CDH7: variants seen among roughly 807,000 people sequenced by gnomAD.
CDH7 encodes cadherin-7.
Under a neutral mutation model 71.8 loss-of-function variants are expected in CDH7, and 25 were observed. The ratio of observed to expected loss-of-function variants is 0.35; its 90% CI spans 0.25 to 0.49. The LOEUF (loss-of-function observed/expected upper bound fraction) is 0.49. Ranked by LOEUF, CDH7 falls within the 20% of genes least tolerant of loss-of-function variation. The pLI, the probability that CDH7 is intolerant of heterozygous loss-of-function variation, is 0.99. For synonymous variants in CDH7, 381 were observed against 363.8 expected (o/e 1.05, Z -0.54); for missense variants, 862 against 974.6 (o/e 0.88, Z 1.54).
intron 5 of CDH7, 143 bp downstream of exon 5, chr18:65,822,391 G>T: frequency 1.6e-6 from 1 of 634,516 alleles, no homozygotes; most frequent in Non-Finnish European, 2.6e-6. Flanking sequence ...TTTTATTAGA[G>T]ACATAATTTT....
At chr18:65,774,660 A>T (rs979337059) in intron 2 of CDH7, among the ~76,000 whole-genome samples, 1 of 151,992 alleles carries the variant, frequency 6.6e-6, no homozygotes, top group Non-Finnish European at 1.5e-5. Flanking sequence ...CTACTCTCAT[A>T]TCTCAGATAA....
intron 2 of CDH7, among the ~76,000 whole-genome samples, chr18:65,804,925 G>T (rs778106128): frequency 1.3e-5 from 2 of 151,994 alleles, no homozygotes; most frequent in Non-Finnish European, 2.9e-5. Context: ...TGGTTCAGAG[G>T]ATTATGGAGA....
intron 6 of CDH7, among the ~76,000 whole-genome samples, chr18:65,830,325 G>A (rs1184827038): frequency 6.6e-6 from 1 of 152,120 alleles, no homozygotes; most frequent in Non-Finnish European, 1.5e-5. Flanking sequence ...GGCATTTTAG[G>A]TGCAGCTCAA....
In CDH7 at chr18:65,776,057, C is replaced by T. The variant is rs79640453; in HGVS notation, c.210+13005C>T. On this transcript the variant is annotated intron_variant, in intron 2 of 11. Transcript: ENST00000397968. ...ATAAATTATTAGAGTAAGAACAGAA[C>T]TGGCAACACATACATCCCTTTTGGT... is the stretch of plus-strand genomic sequence containing the variant. Among the ~76,000 whole-genome samples the T allele has an allele frequency of 7.0e-4, 106 of 152,254 alleles. 1 individual carries two copies. In the East Asian group the frequency reaches 0.019, roughly 28 times the overall value.
At chr18:65,755,832 G>A (rs2143771495) in intron 1 of CDH7, among the ~76,000 whole-genome samples, 1 of 152,254 alleles carries the variant, frequency 6.6e-6, no homozygotes, top group African/African-American at 2.4e-5. Context: ...CAGCTGTACT[G>A]GGGACACAAG....
chr18:65,794,517 C>A (rs9961566), intron 2 of CDH7, among the ~76,000 whole-genome samples: 5 of 150,852 alleles, frequency 3.3e-5, no homozygotes, highest in Non-Finnish European at 5.9e-5. Flanking sequence ...GAAAGGAGGT[C>A]ATTGAGCTGT....
At chr18:65,873,796 A>G (rs999443374) in intron 11 of CDH7, among the ~76,000 whole-genome samples, 9 of 152,192 alleles carry the variant, frequency 5.9e-5, no homozygotes, top group African/African-American at 2.2e-4. Flanking sequence ...TCACATTTCA[A>G]ATGTCATCTC....
chr18:65,767,645 T>A (rs1771166717), intron 2 of CDH7, among the ~76,000 whole-genome samples: 1 of 152,186 alleles, frequency 6.6e-6, no homozygotes, highest in African/African-American at 2.4e-5. Flanking sequence ...ATAATAACTT[T>A]ACAACTAGAG....
At chr18:65,853,247 C>G (rs1016188027) in intron 7 of CDH7, among the ~76,000 whole-genome samples, 1 of 152,172 alleles carries the variant, frequency 6.6e-6, no homozygotes, top group Admixed American at 6.5e-5. Flanking sequence ...TGGTTCATGA[C>G]TAGGAAATCA....
intron 1 of CDH7, among the ~76,000 whole-genome samples, chr18:65,753,496 C>G (rs1915944533): frequency 6.6e-6 from 1 of 152,180 alleles, no homozygotes; most frequent in Non-Finnish European, 1.5e-5. Flanking sequence ...TGGAAGTCTT[C>G]AAAGCCTTAG....
chr18:65,776,395 C>G (rs1909943199), intron 2 of CDH7, among the ~76,000 whole-genome samples: 1 of 150,088 alleles, frequency 6.7e-6, no homozygotes, highest in African/African-American at 2.5e-5. Context: ...CACACACACA[C>G]ACACACAGAG....
At chr18:65,752,146 A>T (rs1915900033) in intron 1 of CDH7, among the ~76,000 whole-genome samples, 1 of 152,220 alleles carries the variant, frequency 6.6e-6, no homozygotes, top group Non-Finnish European at 1.5e-5. Flanking sequence ...TTTACGTAAG[A>T]CTTGTCCTCA....
At chr18:65,840,321 C>T (rs1366550372) in intron 6 of CDH7, among the ~76,000 whole-genome samples, 2 of 152,166 alleles carry the variant, frequency 1.3e-5, no homozygotes, top group East Asian at 3.8e-4. Flanking sequence ...GTCTGTATGT[C>T]CCCTATTTGA....
intron 1 of CDH7, among the ~76,000 whole-genome samples, chr18:65,758,449 T>G (rs1044712963): frequency 4.6e-5 from 7 of 152,206 alleles, no homozygotes; most frequent in African/African-American, 1.7e-4. Flanking sequence ...GAGAGTTGGT[T>G]ACTGCCAAAA....
rs534572047 is a variant in CDH7 at position 65,837,010 on chromosome 18, C to T, written c.982-6802C>T. ...CAAGACCTCCAGAGCTCTTCTCCCC[C>T]CATAACCCATAGACCTCTATGAATG... On this transcript the variant is annotated intron_variant, in intron 6 of 11. Coordinates refer to ENST00000397968, the MANE Select transcript of CDH7 (RefSeq NM_004361.5). Among the ~76,000 whole-genome samples the T allele has an allele frequency of 1.3e-3, 192 of 152,252 alleles. 1 individual carries two copies. The highest frequency in any genetic ancestry group is 4.5e-3 in the African/African-American group (185 of 41,550).
intron 1 of CDH7, among the ~76,000 whole-genome samples, chr18:65,758,667 C>T (rs1054616557): frequency 6.6e-6 from 1 of 152,172 alleles, no homozygotes; most frequent in African/African-American, 2.4e-5. Flanking sequence ...CAATTTAGCT[C>T]AAGAGGTTGG....
At chr18:65,793,019 C>G (rs999778217) in intron 2 of CDH7, among the ~76,000 whole-genome samples, 2 of 152,150 alleles carry the variant, frequency 1.3e-5, no homozygotes, top group African/African-American at 2.4e-5. Flanking sequence ...TTATCTCACT[C>G]TTCTTTAGTT....
chr18:65,880,553 A>G lies in CDH7; in HGVS notation c.2017A>G (p.Asn673Asp). 1 of 1,613,890 alleles carries G rather than the reference A, an allele frequency of 6.2e-7. No individual in the cohort carries two copies. The change falls in exon 12 of 12, where the codon AAC (asparagine) becomes GAC (aspartate). Residue 673 changes from asparagine to aspartate, a missense_variant. Asn to Asp is a conservative substitution (Grantham distance 23). Transcript: ENST00000397968. The stretch of plus-strand genomic sequence containing the variant: ...AGCGTTTGACATGGCTGCACTGAGA[A>G]ACCTCAACGTCATCCGAGACACCAA... The part of the protein sequence containing the change: ...TEAFDMAALR[N>D]LNVIRDTKTR...
At chr18:65,757,014 G>T (rs1387512767) in intron 1 of CDH7, among the ~76,000 whole-genome samples, 1 of 150,634 alleles carries the variant, frequency 6.6e-6, no homozygotes. Flanking sequence ...CAATTTTGCT[G>T]ATTAGTAATT....
Sources: gnomAD v4.1 joint callset for allele counts (sites outside exome capture counted in the v4.1 genomes callset) on GRCh38, gnomAD v4.1.1 for gene constraint, MANE v1.5 for transcripts, NCBI Gene and HGNC (gene_info 2026-07-23, HGNC 2026-07-21) for gene names.